Variants in SHISAL1 observed in about 807,000 individuals in gnomAD.
SHISAL1 encodes the protein protein shisa-like-1.
SHISAL1 carries 9 observed loss-of-function variants against 22.6 expected under a neutral mutation model. That is an observed-to-expected ratio of 0.40 (90% CI 0.24 to 0.70). The LOEUF is 0.70. SHISAL1 is among the 30% of genes least tolerant of loss of function. The pLI is 0.39. For missense variants in SHISAL1, 246 were observed against 270.6 expected, an observed-to-expected ratio of 0.91 and a Z score of 0.64; for synonymous variants, 119 against 115.4, an observed-to-expected ratio of 1.03 and a Z score of -0.20.
intron 4 of SHISAL1, among the ~76,000 whole-genome samples, chr22:44,250,027 G>A (rs2055036378): frequency 6.6e-6 from 1 of 152,186 alleles, no homozygotes; most frequent in African/African-American, 2.4e-5. Context: ...GGAGAGTGCA[G>A]ACATAGACGT....
chr22:44,297,251 T>G (rs1424535716), intron 2 of SHISAL1, among the ~76,000 whole-genome samples: 1 of 152,182 alleles, frequency 6.6e-6, no homozygotes, highest in Non-Finnish European at 1.5e-5. Context: ...GAGATCCCAC[T>G]TTACAGATGG....
chr22:44,251,168 A>G (rs1209351336), intron 4 of SHISAL1, among the ~76,000 whole-genome samples: 1 of 152,234 alleles, frequency 6.6e-6, no homozygotes, highest in Non-Finnish European at 1.5e-5. Flanking sequence ...GTTAGCTAAA[A>G]GAGGGTTAAG....
intron 4 of SHISAL1, among the ~76,000 whole-genome samples, chr22:44,264,576 G>T (rs1356775909): frequency 6.6e-6 from 1 of 152,116 alleles, no homozygotes; most frequent in Non-Finnish European, 1.5e-5. Context: ...ACTCTCAGGG[G>T]ATGTCAGTCC....
At chr22:44,261,657 G>A (rs558058940) in intron 4 of SHISAL1, among the ~76,000 whole-genome samples, 116 of 152,356 alleles carry the variant, frequency 7.6e-4, no homozygotes, top group African/African-American at 2.7e-3. Context: ...CCCCGGGAAT[G>A]CTTCCTCATT....
At chr22:44,260,005 CAGG>C (rs1056534829) in intron 4 of SHISAL1, among the ~76,000 whole-genome samples, 3 of 152,144 alleles carry the variant, frequency 2.0e-5, no homozygotes, top group Admixed American at 6.5e-5. Context: ...TCTCCCCCAC[CAGG>C]AGATTACTTC....
At chr22:44,302,306 C>A (rs1267465500) in intron 1 of SHISAL1, among the ~76,000 whole-genome samples, 10 of 144,368 alleles carry the variant, frequency 6.9e-5, no homozygotes, top group Non-Finnish European at 1.3e-4. Context: ...CGCCATTGCA[C>A]TCCAGCCTGG....
the SHISAL1 span, among the ~76,000 whole-genome samples, chr22:44,328,514 AC>A: frequency 1.4e-3 from 211 of 152,174 alleles, no homozygotes; most frequent in African/African-American, 5.0e-3. Context: ...TGTACTGTGG[AC>A]ACAGACAGCT....
chr22:44,277,853 T>C (rs1036796495), intron 4 of SHISAL1, among the ~76,000 whole-genome samples: 43 of 152,248 alleles, frequency 2.8e-4, no homozygotes, highest in Admixed American at 2.8e-3. Context: ...CGGGACATAA[T>C]GTTGAATTAA....
chr22:44,325,759 G>A, the SHISAL1 span, among the ~76,000 whole-genome samples: 1 of 151,990 alleles, frequency 6.6e-6, no homozygotes, highest in African/African-American at 2.4e-5. Context: ...AAAGCCACAT[G>A]TCCAGCCAGG....
At chr22:44,267,864 C>A (rs58862920) in intron 4 of SHISAL1, among the ~76,000 whole-genome samples, 1 of 152,216 alleles carries the variant, frequency 6.6e-6, no homozygotes, top group African/African-American at 2.4e-5. Context: ...TCCCAGCTGC[C>A]CAGAGAGGCA....
chr22:44,279,632 A>G (rs2055262895), intron 4 of SHISAL1, among the ~76,000 whole-genome samples: 2 of 152,206 alleles, frequency 1.3e-5, no homozygotes, highest in African/African-American at 4.8e-5. Context: ...TAAGGTGAGA[A>G]ACGGTGGTAC....
chr22:44,249,786 A>C, intron 4 of SHISAL1, 101 bp from the exon 5 acceptor site: 1 of 750,708 alleles, frequency 1.3e-6, no homozygotes, highest in Admixed American at 1.9e-5. Flanking sequence ...TTCTCTGAGC[A>C]TGTGGGTTTT....
At chr22:44,283,460 T>C (rs1039055926) in intron 4 of SHISAL1, among the ~76,000 whole-genome samples, 4 of 152,052 alleles carry the variant, frequency 2.6e-5, no homozygotes, top group African/African-American at 9.7e-5. Context: ...AAAAGCAATA[T>C]GGAACAGGGG....
At chr22:44,262,872 A>G (rs1299582930) in intron 4 of SHISAL1, among the ~76,000 whole-genome samples, 1 of 152,110 alleles carries the variant, frequency 6.6e-6, no homozygotes, top group Non-Finnish European at 1.5e-5. Context: ...ATAACAATGA[A>G]AGCTTCCAGA....
At chr22:44,282,485 C>T (rs1344971379) in intron 4 of SHISAL1, among the ~76,000 whole-genome samples, 1 of 152,148 alleles carries the variant, frequency 6.6e-6, no homozygotes, top group East Asian at 1.9e-4. Context: ...TGGCTGGCCT[C>T]ATTAGGAGAC....
intron 3 of SHISAL1, among the ~76,000 whole-genome samples, chr22:44,294,517 A>T (rs1416813265): frequency 6.6e-6 from 1 of 152,226 alleles, no homozygotes; most frequent in East Asian, 1.9e-4. Context: ...CCTCATGCTT[A>T]TTGGGAAAAT....
In SHISAL1 at chr22:44,247,668, CATAAA is replaced by C. The variant is rs2055013403; in HGVS notation, c.*2012_*2016del. The C allele has an allele frequency of 6.6e-6, 1 of 152,286 alleles. No homozygotes were observed. Among genetic ancestry groups the C allele is most frequent in the African/African-American group, 2.4e-5 (1 of 41,470 alleles). 9.4% of individuals were successfully genotyped at this position (152,286 alleles called of 1,614,324 possible). On this transcript the variant is annotated 3_prime_UTR_variant, in exon 5 of 5. Coordinates refer to ENST00000381176, the MANE Select transcript of SHISAL1 (RefSeq NM_001099294.2). ...ACCCAGCTGAGTCTGTCTTCTTGTC[CATAAA>C]ATGGGGAGAGCCCCTTCTTCATGGG...
At chr22:44,301,040 C>A in intron 1 of SHISAL1, 63 bp from the exon 2 acceptor site, 1 of 1,191,198 alleles carries the variant, frequency 8.4e-7, no homozygotes, top group East Asian at 2.5e-5. Flanking sequence ...GGCTTTCCTG[C>A]CCACAGCGGG....
chr22:44,304,682 T>C (rs1224674842), intron 1 of SHISAL1, among the ~76,000 whole-genome samples: 1 of 151,920 alleles, frequency 6.6e-6, no homozygotes, highest in Admixed American at 6.6e-5. Context: ...CATCTGGGAG[T>C]GCTCAGGAAT....
Sources: allele counts gnomAD v4.1 joint callset (sites outside exome capture counted in the v4.1 genomes callset), GRCh38; gene constraint gnomAD v4.1.1; transcripts MANE v1.5; gene names NCBI Gene and HGNC (gene_info 2026-07-23, HGNC 2026-07-21).